The following SCN8A variants were observed in gnomAD, a reference collection of about 807,000 sequenced individuals.
The protein encoded by SCN8A is sodium channel protein type 8 subunit alpha.
SCN8A carries 30 observed loss-of-function variants against 184.1 expected under a neutral mutation model. The ratio of observed to expected loss-of-function variants is 0.16; its 90% CI spans 0.12 to 0.22. The LOEUF (loss-of-function observed/expected upper bound fraction) is 0.22, where lower values mean the gene tolerates loss of function less well. Ranked by LOEUF, SCN8A falls within the 10% of genes least tolerant of loss-of-function variation. SCN8A has a pLI of 1.00. For missense variants in SCN8A, 1,057 were observed against 2,498.9 expected (o/e 0.42, Z 12.30); for synonymous variants, 852 against 907.0 (o/e 0.94, Z 1.09).
At chr12:51,604,570 G>A (rs1466903789) in intron 1 of SCN8A, among the ~76,000 whole-genome samples, 2 of 151,882 alleles carry the variant, frequency 1.3e-5, no homozygotes, top group Non-Finnish European at 2.9e-5. Flanking sequence ...CGCTCTTGTT[G>A]CCCAGGCTGG....
At chr12:51,659,426 A>C (rs950217489) in intron 1 of SCN8A, among the ~76,000 whole-genome samples, 1 of 152,212 alleles carries the variant, frequency 6.6e-6, no homozygotes. Context: ...TGTGCACTTA[A>C]GGTTTGCATA....
chr12:51,650,197 A>G (rs1432619789), intron 1 of SCN8A, among the ~76,000 whole-genome samples: 1 of 152,170 alleles, frequency 6.6e-6, no homozygotes, highest in Non-Finnish European at 1.5e-5. Context: ...TATCACCATC[A>G]GGCCTCTGGT....
intron 1 of SCN8A, among the ~76,000 whole-genome samples, chr12:51,626,536 G>A (rs1940081985): frequency 6.6e-6 from 1 of 152,136 alleles, no homozygotes; most frequent in Admixed American, 6.5e-5. Flanking sequence ...GATATATCAT[G>A]AAAAACCATT....
At chr12:51,710,729 A>G (rs1162282465) in intron 11 of SCN8A, among the ~76,000 whole-genome samples, 1 of 152,214 alleles carries the variant, frequency 6.6e-6, no homozygotes, top group Non-Finnish European at 1.5e-5. Context: ...CTGTCTTTGA[A>G]TTTCTGCATC....
At chr12:51,612,347 A>G (rs1450705112) in intron 1 of SCN8A, among the ~76,000 whole-genome samples, 1 of 152,114 alleles carries the variant, frequency 6.6e-6, no homozygotes, top group Non-Finnish European at 1.5e-5. Context: ...ATTTTTTTGT[A>G]GAGACAGGGT....
chr12:51,602,412 G>A (rs1486637479), intron 1 of SCN8A, among the ~76,000 whole-genome samples: 1 of 152,160 alleles, frequency 6.6e-6, no homozygotes, highest in Non-Finnish European at 1.5e-5. Context: ...CAAATTCACA[G>A]ACAGAAAGTA....
At chr12:51,802,489 G>A (rs1283150894) in intron 26 of SCN8A, among the ~76,000 whole-genome samples, 5 of 152,274 alleles carry the variant, frequency 3.3e-5, no homozygotes, top group Non-Finnish European at 1.5e-5. Context: ...GGGAGGCTAC[G>A]CATGCACCTT....
intron 11 of SCN8A, among the ~76,000 whole-genome samples, chr12:51,721,081 TTATATATA>T (rs58356368): frequency 2.3e-5 from 2 of 86,818 alleles, no homozygotes; most frequent in African/African-American, 9.3e-5. Context: ...AAAAAAAAAA[TTATATATA>T]TATATATATA....
intron 11 of SCN8A, among the ~76,000 whole-genome samples, chr12:51,713,995 A>G (rs1281064730): frequency 6.6e-6 from 1 of 151,632 alleles, no homozygotes; most frequent in East Asian, 1.9e-4. Context: ...TTTGTATTAC[A>G]TTTCTGCAAA....
intron 12 of SCN8A, among the ~76,000 whole-genome samples, chr12:51,741,334 T>G (rs1025537611): frequency 2.6e-5 from 4 of 152,252 alleles, no homozygotes; most frequent in African/African-American, 9.6e-5. Flanking sequence ...CATCCATTTA[T>G]TCTCAGTCTG....
intron 6 of SCN8A, 190 bp downstream of exon 6, chr12:51,689,286 A>G: frequency 1.7e-6 from 1 of 585,148 alleles, no homozygotes; most frequent in South Asian, 2.2e-5. Flanking sequence ...CTTGCCAGGC[A>G]TGCAGCCCCC....
chr12:51,695,569 G>A (rs1592385129), intron 6 of SCN8A, among the ~76,000 whole-genome samples: 1 of 152,158 alleles, frequency 6.6e-6, no homozygotes, highest in African/African-American at 2.4e-5. Flanking sequence ...GTGCTTCTGG[G>A]AAGCCAGTAG....
chr12:51,675,213 T>C (rs1213615809), intron 2 of SCN8A, among the ~76,000 whole-genome samples: 1 of 152,182 alleles, frequency 6.6e-6, no homozygotes, highest in Non-Finnish European at 1.5e-5. Flanking sequence ...GGAAGCAGCA[T>C]TGTGCTGGCT....
chr12:51,662,955 G>A lies in SCN8A; in HGVS notation c.138G>A (p.Glu46=), dbSNP rs762950003. 6.2e-7 allele frequency: 1 copy of A among 1,614,054 alleles called. No individual in the cohort carries two copies. The highest frequency in any genetic ancestry group is 1.6e-4 in the Middle Eastern group (1 of 6,062). Residue 46 remains glutamate (E), a synonymous_variant, in exon 2 of 27, where the codon GAG becomes GAA. Coordinates refer to ENST00000627620, the MANE Select transcript of SCN8A (RefSeq NM_001330260.2). The stretch of plus-strand genomic sequence containing the variant: ...CAAAGGCCGATGGCAGTCATCGGGA[G>A]GACGATGAGGACAGCAAGCCCAAGC... The part of the protein sequence containing the change: ...KPPKADGSHR[E]DDEDSKPKPN...
intron 24 of SCN8A, among the ~76,000 whole-genome samples, chr12:51,789,839 C>A (rs2138910552): frequency 6.6e-6 from 1 of 152,330 alleles, no homozygotes; most frequent in Non-Finnish European, 1.5e-5. Flanking sequence ...GGAAAGTTTA[C>A]TTCCTTACTT....
intron 1 of SCN8A, among the ~76,000 whole-genome samples, chr12:51,651,903 A>G (rs1565874381): frequency 6.6e-6 from 1 of 152,344 alleles, no homozygotes; most frequent in Middle Eastern, 3.4e-3. Flanking sequence ...TTAATTAATT[A>G]TAAAGAAACT....
At chr12:51,620,826 T>TA (rs1175853460) in intron 1 of SCN8A, among the ~76,000 whole-genome samples, 3,548 of 143,950 alleles carry the variant, frequency 0.025, 138 homozygotes, top group African/African-American at 0.083. Context: ...CATCTCTATT[T>TA]AAAAAAAAAA....
At chr12:51,698,295 T>C (rs10783471) in intron 6 of SCN8A, among the ~76,000 whole-genome samples, 128,763 of 152,216 alleles carry the variant, frequency 0.85, 55,231 homozygotes, top group East Asian at 0.97. Flanking sequence ...GACAAGTAAG[T>C]GGCATAACTT....
chr12:51,608,021 C>CTTTTTTTTT (rs749172465), intron 1 of SCN8A, among the ~76,000 whole-genome samples: 9 of 133,478 alleles, frequency 6.7e-5, no homozygotes, highest in Non-Finnish European at 1.5e-4. Context: ...TTTCTTTTTC[C>CTTTTTTTTT]TTTTTTTTTT....
Sources: allele counts gnomAD v4.1 joint callset (sites outside exome capture counted in the v4.1 genomes callset), GRCh38; gene constraint gnomAD v4.1.1; transcripts MANE v1.5; gene names NCBI Gene and HGNC (gene_info 2026-07-23, HGNC 2026-07-21).